The following EBF2 variants were observed in gnomAD, a reference collection of about 807,000 sequenced individuals.
EBF2 encodes transcription factor COE2.
Under a neutral mutation model 72.8 loss-of-function variants are expected in EBF2, and 21 were observed. That is an observed-to-expected ratio of 0.29 (90% CI 0.20 to 0.42). The LOEUF (loss-of-function observed/expected upper bound fraction) is 0.42. Ranked by LOEUF, EBF2 falls within the 10% of genes least tolerant of loss-of-function variation. EBF2 has a pLI of 1.00. For missense variants in EBF2, 637 were observed against 731.2 expected, an observed-to-expected ratio of 0.87 and a Z score of 1.49; for synonymous variants, 299 against 274.2, an observed-to-expected ratio of 1.09 and a Z score of -0.89.
At chr8:25,997,616 C>T (rs1296850615) in intron 6 of EBF2, among the ~76,000 whole-genome samples, 2 of 151,564 alleles carry the variant, frequency 1.3e-5, no homozygotes, top group Admixed American at 1.3e-4. Context: ...TTCTAACCAT[C>T]TCCATCTGAC....
In EBF2 at chr8:25,915,938, A is replaced by G. The variant is rs144481334; in HGVS notation, c.552-7383T>C. On this transcript the variant is annotated intron_variant, in intron 6 of 15. Coordinates refer to ENST00000520164, the MANE Select transcript of EBF2 (RefSeq NM_022659.4). ...GTGATTTCATAGCTTCTACAGTGGC[A>G]ATGATGATGATGATTCAATTTTTAC... Among the ~76,000 whole-genome samples, 427 of 152,282 alleles carry G rather than the reference A, an allele frequency of 2.8e-3. 3 individuals carry two copies. Among genetic ancestry groups the G allele is most frequent in the Middle Eastern group, 0.01 (3 of 294 alleles).
At chr8:25,993,840 G>T (rs903178942) in intron 6 of EBF2, among the ~76,000 whole-genome samples, 1 of 152,100 alleles carries the variant, frequency 6.6e-6, no homozygotes. Flanking sequence ...AGGAATAATC[G>T]ATGAAAATCT....
chr8:26,043,254 G>C (rs1030101597), intron 1 of EBF2, among the ~76,000 whole-genome samples: 3 of 152,260 alleles, frequency 2.0e-5, no homozygotes, highest in Non-Finnish European at 4.4e-5. Flanking sequence ...CAGATTGCGG[G>C]AGCTGCCCTG....
Position 25,990,188 on chromosome 8 carries a change from TACACAC to T in EBF2, c.551+42891_551+42896del, listed in dbSNP as rs60406400. Among the ~76,000 whole-genome samples the T allele has an allele frequency of 1.9e-3, 273 of 146,362 alleles. 2 individuals are homozygous for T. The highest frequency in any genetic ancestry group is 5.5e-3 in the African/African-American group (220 of 40,126). On this transcript the variant is annotated intron_variant, in intron 6 of 15. Coordinates refer to ENST00000520164, the MANE Select transcript of EBF2 (RefSeq NM_022659.4). ...GTATATAATACAGAGCTATGGGTTATACACACACACACACACACACACACACACACA... is the reference window on the plus strand; with the variant it reads ...GTATATAATACAGAGCTATGGGTTATACACACACACACACACACACACACA...
intron 6 of EBF2, among the ~76,000 whole-genome samples, chr8:26,013,215 G>A (rs943454915): frequency 2.0e-5 from 3 of 152,172 alleles, no homozygotes; most frequent in Non-Finnish European, 4.4e-5. Flanking sequence ...AACTGATGAC[G>A]ATGACGTCCC....
intron 5 of EBF2, among the ~76,000 whole-genome samples, chr8:26,037,271 G>A (rs762863437): frequency 2.0e-5 from 3 of 152,140 alleles, no homozygotes; most frequent in Non-Finnish European, 4.4e-5. Flanking sequence ...AAGATGGCTG[G>A]GGAAGGGGAA....
chr8:25,855,523 A>T lies in EBF2; in HGVS notation c.1528+2796T>A, dbSNP rs116818886. ...TGACTAAGAAGCTTGGCTCTTTCTT[A>T]CTTAGTGTCTCTGGCAAGTATTTGC... is the stretch of plus-strand genomic sequence containing the variant. On this transcript the variant is annotated intron_variant, in intron 14 of 15. Transcript: ENST00000520164. 8.8e-3 allele frequency among the ~76,000 whole-genome samples: 1,335 copies of T among 152,320 alleles called. 21 individuals are homozygous for T. The highest frequency in any genetic ancestry group is 0.031 in the African/African-American group (1,272 of 41,574).
intron 6 of EBF2, among the ~76,000 whole-genome samples, chr8:26,029,910 CT>C (rs912635724): frequency 2.0e-5 from 3 of 151,980 alleles, no homozygotes; most frequent in African/African-American, 4.8e-5. Flanking sequence ...ACTTTATGCC[CT>C]TTTTTTTCTT....
At chr8:25,907,976 G>GGTCACC (rs1159167337) in intron 7 of EBF2, among the ~76,000 whole-genome samples, 1 of 152,144 alleles carries the variant, frequency 6.6e-6, no homozygotes, top group Non-Finnish European at 1.5e-5. Flanking sequence ...CAGGCAGCTG[G>GGTCACC]GTCACCGTCC....
intron 6 of EBF2, among the ~76,000 whole-genome samples, chr8:26,022,688 C>T (rs952849110): frequency 9.9e-5 from 15 of 152,210 alleles, no homozygotes; most frequent in Non-Finnish European, 2.2e-4. Flanking sequence ...CTGCATTTCT[C>T]ACCAGCTCCA....
chr8:26,029,539 C>G (rs1456133946), intron 6 of EBF2, among the ~76,000 whole-genome samples: 6 of 152,294 alleles, frequency 3.9e-5, no homozygotes, highest in African/African-American at 1.4e-4. Context: ...AGTTGGGGAA[C>G]CATCCTCTCC....
chr8:25,918,062 CTT>C (rs985531783), intron 6 of EBF2, among the ~76,000 whole-genome samples: 4 of 152,182 alleles, frequency 2.6e-5, no homozygotes, highest in African/African-American at 9.7e-5. Context: ...AAAAGAAACC[CTT>C]ATTTACCCAG....
At chr8:25,955,361 T>C (rs1803928917) in intron 6 of EBF2, among the ~76,000 whole-genome samples, 1 of 152,172 alleles carries the variant, frequency 6.6e-6, no homozygotes, top group Non-Finnish European at 1.5e-5. Flanking sequence ...AGGCCCTAAA[T>C]TCAGGTGGGG....
intron 10 of EBF2, among the ~76,000 whole-genome samples, chr8:25,873,314 C>G (rs1802471462): frequency 6.6e-6 from 1 of 152,140 alleles, no homozygotes; most frequent in African/African-American, 2.4e-5. Context: ...TTCTAAGACC[C>G]CTTTCAAGCT....
intron 13 of EBF2, 40 bp from the exon 14 acceptor site, chr8:25,858,544 TGCACAGTCAGGCCACATGTGGCTA>T (rs1563377853): frequency 6.3e-7 from 1 of 1,589,318 alleles, no homozygotes; most frequent in East Asian, 2.2e-5. Flanking sequence ...TCAACAGGCG[TGCACAGTCAGGCCACATGTGGCTA>T]GCACAGGTCC....
chr8:25,937,502 C>T lies in EBF2; in HGVS notation c.552-28947G>A, dbSNP rs370200350. 1.1e-4 allele frequency among the ~76,000 whole-genome samples: 17 copies of T among 152,198 alleles called. No homozygotes were observed. The East Asian group carries it at 2.7e-3, about 24-fold the overall frequency. On this transcript the variant is annotated intron_variant, in intron 6 of 15. Coordinates refer to ENST00000520164, the MANE Select transcript of EBF2 (RefSeq NM_022659.4). ...TATTACCATAGAACATTATAAAATG[C>T]CTATTCTGGATTTATTGTTTCATCA...
At chr8:25,989,348 G>A (rs1051071840) in intron 6 of EBF2, among the ~76,000 whole-genome samples, 5 of 152,162 alleles carry the variant, frequency 3.3e-5, no homozygotes, top group Non-Finnish European at 7.3e-5. Context: ...GTGACATTAA[G>A]GCAAGGTTTT....
At chr8:25,862,661 G>A in intron 11 of EBF2, 48 bp downstream of exon 11, 1 of 1,476,704 alleles carries the variant, frequency 6.8e-7, no homozygotes, top group Non-Finnish European at 9.2e-7. Flanking sequence ...TAAGTTTCCT[G>A]AAATTCTACA....
rs181839512 is a variant in EBF2, at chr8:25,850,173, C to T, written c.1696+421G>A. On this transcript the variant is annotated intron_variant, in intron 15 of 15. Coordinates refer to ENST00000520164, the MANE Select transcript of EBF2 (RefSeq NM_022659.4). ...TGTTGCCCAGGCTGGAGTGCAATGG[C>T]GCGATCTCAGCTTACTGCAACCTCT... Among the ~76,000 whole-genome samples, 10 of 152,112 alleles carry T rather than the reference C, an allele frequency of 6.6e-5. No individual in the cohort carries two copies. In the South Asian group the frequency reaches 1.0e-3, roughly 16 times the overall value.
Sources: allele counts gnomAD v4.1 joint callset (sites outside exome capture counted in the v4.1 genomes callset), GRCh38; gene constraint gnomAD v4.1.1; transcripts MANE v1.5; gene names NCBI Gene and HGNC (gene_info 2026-07-23, HGNC 2026-07-21).